Variants in SNTG1 observed in about 807,000 individuals in gnomAD.
SNTG1 encodes syntrophin gamma 1.
A neutral mutation model predicts 74.7 loss-of-function variants in SNTG1; 39 were observed. The ratio of observed to expected loss-of-function variants is 0.52; its 90% CI spans 0.40 to 0.68. The LOEUF (loss-of-function observed/expected upper bound fraction) is 0.68, where lower values mean the gene tolerates loss of function less well. SNTG1 is among the 30% of genes least tolerant of loss of function. SNTG1 has a pLI of 0.00. For synonymous variants in SNTG1, 254 were observed against 217.1 expected (o/e 1.17, Z -1.49); for missense variants, 685 against 609.5 (o/e 1.12, Z -1.30).
intron 2 of SNTG1, among the ~76,000 whole-genome samples, chr8:50,340,059 G>A (rs1445684113): frequency 6.6e-6 from 1 of 151,834 alleles, no homozygotes; most frequent in Non-Finnish European, 1.5e-5. Context: ...AAGCTCTGAA[G>A]AAAGACATTA....
chr8:50,481,995 A>G (rs1212731310), intron 8 of SNTG1, among the ~76,000 whole-genome samples: 1 of 152,190 alleles, frequency 6.6e-6, no homozygotes, highest in Non-Finnish European at 1.5e-5. Flanking sequence ...GGACATATTT[A>G]TTCAGTCCCC....
At chr8:50,211,949 TAAATA>T (rs1334830647) in intron 2 of SNTG1, among the ~76,000 whole-genome samples, 4 of 152,044 alleles carry the variant, frequency 2.6e-5, no homozygotes, top group Admixed American at 2.0e-4. Context: ...AAATAGAAAA[TAAATA>T]AAATAAAAAG....
At chr8:50,764,298 C>G (rs146879824) in intron 18 of SNTG1, among the ~76,000 whole-genome samples, 2 of 151,914 alleles carry the variant, frequency 1.3e-5, no homozygotes. Context: ...CTAAAGCTTC[C>G]TCACAGCAAA....
intron 1 of SNTG1, among the ~76,000 whole-genome samples, chr8:50,159,846 C>CA (rs1321351312): frequency 6.6e-6 from 1 of 152,140 alleles, no homozygotes; most frequent in Non-Finnish European, 1.5e-5. Context: ...CAAGGAATCA[C>CA]AGTTCAAAAA....
chr8:50,267,325 A>G (rs1163506793), intron 2 of SNTG1, among the ~76,000 whole-genome samples: 1 of 152,184 alleles, frequency 6.6e-6, no homozygotes, highest in Non-Finnish European at 1.5e-5. Flanking sequence ...AAGATGAAAA[A>G]TGACCTAGTT....
intron 9 of SNTG1, among the ~76,000 whole-genome samples, chr8:50,513,400 A>T (rs1213556812): frequency 6.6e-6 from 1 of 152,168 alleles, no homozygotes; most frequent in African/African-American, 2.4e-5. Flanking sequence ...CCATTCTCAG[A>T]TCTCCAGCTG....
intron 4 of SNTG1, among the ~76,000 whole-genome samples, chr8:50,411,885 C>T (rs752234883): frequency 2.0e-5 from 3 of 152,154 alleles, no homozygotes; most frequent in Non-Finnish European, 4.4e-5. Context: ...CAGTTGTAGT[C>T]AGCCTGTGGC....
intron 4 of SNTG1, among the ~76,000 whole-genome samples, chr8:50,431,868 A>T (rs1051137381): frequency 6.6e-6 from 1 of 151,972 alleles, no homozygotes; most frequent in African/African-American, 2.4e-5. Context: ...CCACTTTTTA[A>T]TTGGGTTGTT....
intron 13 of SNTG1, among the ~76,000 whole-genome samples, chr8:50,596,761 T>A (rs1449715636): frequency 6.6e-6 from 1 of 152,076 alleles, no homozygotes; most frequent in Non-Finnish European, 1.5e-5. Flanking sequence ...AAACTTCTAA[T>A]ATTTTTTATT....
chr8:50,160,562 A>G (rs925750507), intron 1 of SNTG1, among the ~76,000 whole-genome samples: 15 of 152,142 alleles, frequency 9.9e-5, no homozygotes, highest in African/African-American at 3.6e-4. Context: ...TAGGATTTAC[A>G]TTTCATTGTG....
At chr8:50,603,288 T>G (rs1459260118) in intron 13 of SNTG1, among the ~76,000 whole-genome samples, 1 of 152,210 alleles carries the variant, frequency 6.6e-6, no homozygotes, top group East Asian at 1.9e-4. Context: ...GTTCTGCTAT[T>G]AAGACACTCT....
chr8:50,769,382 A>C (rs1468233735), intron 18 of SNTG1, among the ~76,000 whole-genome samples: 3 of 152,008 alleles, frequency 2.0e-5, no homozygotes, highest in Admixed American at 6.6e-5. Flanking sequence ...GAACATTTTG[A>C]AAATCAGAAT....
At chr8:50,008,991 C>T (rs913033438) in intron 1 of SNTG1, among the ~76,000 whole-genome samples, 11 of 151,162 alleles carry the variant, frequency 7.3e-5, no homozygotes, top group Non-Finnish European at 1.5e-4. Context: ...CCACAGTTTG[C>T]CTCTTATAGG....
chr8:50,629,723 C>T (rs867492848), intron 13 of SNTG1, among the ~76,000 whole-genome samples: 5 of 152,190 alleles, frequency 3.3e-5, no homozygotes, highest in Middle Eastern at 6.8e-3. Context: ...TTACATATAG[C>T]ATTTATTTTA....
At chr8:50,630,052 G>T (rs911647034) in intron 13 of SNTG1, among the ~76,000 whole-genome samples, 6 of 152,138 alleles carry the variant, frequency 3.9e-5, no homozygotes, top group Non-Finnish European at 7.4e-5. Flanking sequence ...TTACTTTCAA[G>T]ATTAAATTTC....
intron 4 of SNTG1, among the ~76,000 whole-genome samples, chr8:50,415,241 G>A (rs1439604664): frequency 3.3e-5 from 5 of 152,090 alleles, no homozygotes; most frequent in Admixed American, 3.3e-4. Flanking sequence ...CAGCCTAGAG[G>A]TATTCCAAAG....
chr8:50,252,645 G>A lies in SNTG1; in HGVS notation c.-28+80010G>A, dbSNP rs147543434. On this transcript the variant is annotated intron_variant, in intron 2 of 18. Transcript: ENST00000642720. ...TGAAGGAAGAGACCACAAATCACAT[G>A]GCAAGGCTGAGAACAAGAGAGAGGG... Among the ~76,000 whole-genome samples, 6 of 152,226 alleles carry A rather than the reference G, an allele frequency of 3.9e-5. No individual in the cohort carries two copies. The East Asian group carries it at 9.7e-4, about 25-fold the overall frequency.
At chr8:50,567,098 T>C (rs2094520422) in intron 12 of SNTG1, among the ~76,000 whole-genome samples, 1 of 152,110 alleles carries the variant, frequency 6.6e-6, no homozygotes, top group African/African-American at 2.4e-5. Flanking sequence ...AATCATTATT[T>C]GGGTAATAGA....
chr8:50,610,767 G>A (rs1032630881), intron 13 of SNTG1, among the ~76,000 whole-genome samples: 1 of 152,156 alleles, frequency 6.6e-6, no homozygotes, highest in African/African-American at 2.4e-5. Context: ...AAATGAGGTA[G>A]TAAGACCATA....
Sources: gnomAD v4.1 joint callset for allele counts (sites outside exome capture counted in the v4.1 genomes callset) on GRCh38, gnomAD v4.1.1 for gene constraint, MANE v1.5 for transcripts, NCBI Gene and HGNC (gene_info 2026-07-23, HGNC 2026-07-21) for gene names.